LEPR: variants seen among roughly 807,000 people sequenced by gnomAD.
LEPR encodes the protein OB receptor.
LEPR carries 56 observed loss-of-function variants against 114.7 expected under a neutral mutation model. The observed-to-expected ratio is 0.49, with a 90% CI of 0.39 to 0.61. The LOEUF (loss-of-function observed/expected upper bound fraction) is 0.61, where lower values mean the gene tolerates loss of function less well. Among genes scored for constraint, LEPR ranks in the 20% least tolerant of loss-of-function variants. The pLI is 0.00. For missense variants in LEPR, 1,202 were observed against 1,352.9 expected (o/e 0.89, Z 1.75); for synonymous variants, 443 against 461.4 (o/e 0.96, Z 0.51).
At chr1:65,581,447 G>A (rs964754119) in intron 5 of LEPR, among the ~76,000 whole-genome samples, 1 of 133,166 alleles carries the variant, frequency 7.5e-6, no homozygotes, top group African/African-American at 2.7e-5. Flanking sequence ...ATGGTTGAAA[G>A]GCTTTTTTTT....
At chr1:65,512,262 A>G (rs1027576693) in intron 2 of LEPR, among the ~76,000 whole-genome samples, 12 of 152,154 alleles carry the variant, frequency 7.9e-5, no homozygotes, top group African/African-American at 2.7e-4. Context: ...AACTGCCCCC[A>G]TGATCCAATC....
In LEPR at chr1:65,601,572, C is replaced by CT; in HGVS notation, c.1181dup (p.Asn395GlnfsTer4). 1 of 1,613,730 alleles carries CT rather than the reference C, an allele frequency of 6.2e-7. No homozygotes were observed. Among genetic ancestry groups the CT allele is most frequent in the Non-Finnish European group, 8.5e-7 (1 of 1,179,776 alleles). ...GTGAGTGATCATGTTAGCAAAGTTACTTTTTTCAATCTGAATGAAACCAAA... is the reference window on the plus strand; with the variant it reads ...GTGAGTGATCATGTTAGCAAAGTTACTTTTTTTCAATCTGAATGAAACCAAA... On this transcript the variant is annotated frameshift_variant, in exon 9 of 20. Coordinates refer to ENST00000349533, the MANE Select transcript of LEPR (RefSeq NM_002303.6). LOFTEE classifies it high-confidence loss of function.
intron 2 of LEPR, among the ~76,000 whole-genome samples, chr1:65,498,422 T>A (rs1648271265): frequency 6.6e-6 from 1 of 152,120 alleles, no homozygotes; most frequent in East Asian, 1.9e-4. Flanking sequence ...AAATTACTTT[T>A]TTTTTCTGTA....
At chr1:65,542,764 T>A (rs1651330565) in intron 2 of LEPR, among the ~76,000 whole-genome samples, 1 of 152,016 alleles carries the variant, frequency 6.6e-6, no homozygotes, top group Non-Finnish European at 1.5e-5. Context: ...GTTTCCAGCT[T>A]CATTCATGTC....
rs748344003 is a variant in LEPR, at chr1:65,636,147, A to C, written c.2674-44A>C. On this transcript the variant is annotated intron_variant, in intron 19 of 19. Coordinates refer to ENST00000349533, the MANE Select transcript of LEPR (RefSeq NM_002303.6). Reference sequence around the variant, plus strand: ...TGCCAGTATGACATAATGAAGCAAAATTTTTTAACATAATTGAGCCTTAAA... The same window carrying C: ...TGCCAGTATGACATAATGAAGCAAACTTTTTTAACATAATTGAGCCTTAAA... 3.7e-6 allele frequency: 6 copies of C among 1,611,216 alleles called. No individual in the cohort carries two copies. The Admixed American group carries it at 8.4e-5, about 22-fold the overall frequency.
rs887821287 is a variant in LEPR, at chr1:65,639,953, G to A, written c.*2938G>A. The A allele has an allele frequency of 4.6e-5, 7 of 151,998 alleles. No homozygotes were observed. Among genetic ancestry groups the A allele is most frequent in the Non-Finnish European group, 8.8e-5 (6 of 67,994 alleles). 9.4% of individuals were successfully genotyped at this position (151,998 alleles called of 1,614,324 possible). A position where few individuals can be genotyped will look rare whatever the true frequency, so the allele number is the denominator to read the frequency against. ...CTACAAGTTGACAAGAAAAATAGGA[G>A]CAGTTTTTTTTTTCTTTTTAAACCT... is the stretch of plus-strand genomic sequence containing the variant. On this transcript the variant is annotated 3_prime_UTR_variant, in exon 20 of 20. Coordinates refer to ENST00000349533, the MANE Select transcript of LEPR (RefSeq NM_002303.6).
chr1:65,554,166 A>T (rs1557659324), intron 2 of LEPR, among the ~76,000 whole-genome samples: 1 of 152,164 alleles, frequency 6.6e-6, no homozygotes, highest in Non-Finnish European at 1.5e-5. Context: ...GGTGTCTCTC[A>T]GTCAAGAGGC....
chr1:65,637,195 A>G lies in LEPR; in HGVS notation c.*180A>G, dbSNP rs938100786. 3.2e-6 allele frequency: 2 copies of G among 625,288 alleles called. No individual in the cohort carries two copies. The highest frequency in any genetic ancestry group is 2.9e-5 in the East Asian group (1 of 34,596). 38.7% of individuals were successfully genotyped at this position (625,288 alleles called of 1,614,324 possible). A position where few individuals can be genotyped will look rare whatever the true frequency, so the allele number is the denominator to read the frequency against. On this transcript the variant is annotated 3_prime_UTR_variant, in exon 20 of 20. Coordinates refer to ENST00000349533, the MANE Select transcript of LEPR (RefSeq NM_002303.6). ...AGACAAAAAATTTGAGAAAGCCTTC[A>G]TAAGCCTACCAATGTAGACACGCTC...
intron 2 of LEPR, among the ~76,000 whole-genome samples, chr1:65,468,974 T>A (rs1237911047): frequency 1.3e-5 from 2 of 152,236 alleles, no homozygotes; most frequent in Non-Finnish European, 2.9e-5. Flanking sequence ...CTGAGATGCA[T>A]TTTCTGGTAT....
intron 2 of LEPR, chr1:65,434,683 C>T (rs1234443573): frequency 2.0e-6 from 2 of 985,314 alleles, no homozygotes; most frequent in African/African-American, 3.5e-5. Flanking sequence ...AGGTCTTTCT[C>T]CTTTTAATTT....
At chr1:65,521,345 C>T (rs1649625711) in intron 2 of LEPR, among the ~76,000 whole-genome samples, 1 of 152,246 alleles carries the variant, frequency 6.6e-6, no homozygotes, top group South Asian at 2.1e-4. Context: ...CTTAAAACAG[C>T]CATCTGACTC....
intron 10 of LEPR, among the ~76,000 whole-genome samples, chr1:65,604,244 A>C (rs796470016): frequency 2.0e-4 from 30 of 152,288 alleles, no homozygotes; most frequent in African/African-American, 7.0e-4. Context: ...CTGTGGAAAG[A>C]TATAGAATTG....
At chr1:65,601,289 G>T in intron 8 of LEPR, 103 bp from the exon 9 acceptor site, 1 of 1,340,852 alleles carries the variant, frequency 7.5e-7, no homozygotes, top group Non-Finnish European at 1.0e-6. Context: ...TTTTATTTTT[G>T]GCAGTGTAAC....
chr1:65,506,639 C>T (rs1648744605), intron 2 of LEPR, among the ~76,000 whole-genome samples: 1 of 151,250 alleles, frequency 6.6e-6, no homozygotes, highest in African/African-American at 2.4e-5. Flanking sequence ...CTTTTTTTTT[C>T]CTCCAAATTC....
intron 2 of LEPR, among the ~76,000 whole-genome samples, chr1:65,429,151 C>T (rs1368941314): frequency 1.3e-5 from 2 of 152,048 alleles, no homozygotes; most frequent in Non-Finnish European, 2.9e-5. Context: ...ACCTGGGGTA[C>T]ATTAGAATAG....
intron 14 of LEPR, among the ~76,000 whole-genome samples, chr1:65,611,504 G>A (rs1449978982): frequency 2.6e-5 from 4 of 152,236 alleles, no homozygotes; most frequent in African/African-American, 9.6e-5. Flanking sequence ...AGGCAGTGAT[G>A]TTCCCATGTT....
intron 2 of LEPR, chr1:65,433,649 G>A: frequency 1.0e-6 from 1 of 985,228 alleles, no homozygotes; most frequent in Non-Finnish European, 1.2e-6. Flanking sequence ...ATGATTTTAT[G>A]TTTTCAGTGT....
chr1:65,496,606 TAG>T (rs1223707740), intron 2 of LEPR, among the ~76,000 whole-genome samples: 1 of 152,292 alleles, frequency 6.6e-6, no homozygotes, highest in Non-Finnish European at 1.5e-5. Flanking sequence ...ACTTTTACTT[TAG>T]AATTGTTTTA....
chr1:65,575,271 G>T (rs1226605470), intron 5 of LEPR, among the ~76,000 whole-genome samples: 3 of 147,048 alleles, frequency 2.0e-5, no homozygotes, highest in African/African-American at 8.2e-5. Context: ...TCCAGCCCCA[G>T]CATGGTGAAA....
Sources: allele counts gnomAD v4.1 joint callset (sites outside exome capture counted in the v4.1 genomes callset), GRCh38; gene constraint gnomAD v4.1.1; transcripts MANE v1.5; gene names NCBI Gene and HGNC (gene_info 2026-07-23, HGNC 2026-07-21).